ZNF581: variants seen among roughly 807,000 people sequenced by gnomAD.
The protein encoded by ZNF581 is zinc finger protein 581.
In ZNF581, 1 loss-of-function variant was observed where a neutral mutation model predicts 1.2. The observed-to-expected ratio is 0.83, with a 90% CI of 0.30 to 3.95. ZNF581 has a LOEUF of 3.95. Among genes scored for constraint, ZNF581 ranks in the 30% most tolerant of loss-of-function variants. The pLI, the probability that ZNF581 is intolerant of heterozygous loss-of-function variation, is 0.18. For missense variants in ZNF581, 273 were observed against 274.6 expected, an observed-to-expected ratio of 0.99 and a Z score of 0.04; for synonymous variants, 105 against 109.2, an observed-to-expected ratio of 0.96 and a Z score of 0.24.
At chr19:55,640,879 C>T (rs895044503), upstream of ZNF581, 21 of 985,004 alleles carry the variant, frequency 2.1e-5, no homozygotes, top group African/African-American at 2.6e-4. Context: ...CGGGGGCGGG[C>T]GTCTTCAGTG....
At position 55,645,411 on chromosome 19, in the gene ZNF581, C is replaced by T. The variant is rs899626415; in HGVS notation, c.*246C>T. 29 of 401,662 alleles carry T rather than the reference C, an allele frequency of 7.2e-5. No homozygotes were observed. The highest frequency in any genetic ancestry group is 1.8e-5 in the Non-Finnish European group (4 of 216,960). 24.9% of individuals were successfully genotyped at this position (401,662 alleles called of 1,614,324 possible). On this transcript the variant is annotated 3_prime_UTR_variant, in exon 2 of 2. Transcript: ENST00000270451. ...ATGGAGTCCTCTAGCCTAAAGATAT[C>T]AGCTGTTCCATGGCAGAGCCTTGAC...
upstream of ZNF581, chr19:55,643,178 C>T (rs1982639903): frequency 6.6e-6 from 8 of 1,211,974 alleles, no homozygotes; most frequent in Non-Finnish European, 8.4e-6. Flanking sequence ...AAGGGAGGAG[C>T]ATCATTCCTT....
upstream of ZNF581, among the ~76,000 whole-genome samples, chr19:55,639,419 G>A (rs1982307089): frequency 6.6e-6 from 1 of 152,180 alleles, no homozygotes; most frequent in South Asian, 2.1e-4. Context: ...CTGCACTCCA[G>A]CGTGGGCGAC....
In ZNF581 at chr19:55,644,649, G is replaced by C. The variant is rs754881942; in HGVS notation, c.78G>C (p.Arg26=). 3 of 1,611,364 alleles carry C rather than the reference G, an allele frequency of 1.9e-6. No individual in the cohort carries two copies. Among genetic ancestry groups the C allele is most frequent in the East Asian group, 4.5e-5 (2 of 44,736 alleles). ...AGACCATGGAGGGCCCTCCCCGTCG[G>C]ACTTGCCGCTCCCCAGAACCTGGAC... ...SVETMEGPPR[R]TCRSPEPGPS... The change falls in exon 2 of 2, where the codon CGG becomes CGC. Residue 26 remains arginine (R), a synonymous_variant. Transcript: ENST00000270451. The surrounding 1 kb of genome is among the most constrained non-coding windows in gnomAD (Gnocchi z 4.3).
At chr19:55,641,491 CAG>C (rs1332710167), upstream of ZNF581, among the ~76,000 whole-genome samples, 2 of 152,116 alleles carry the variant, frequency 1.3e-5, no homozygotes, top group African/African-American at 4.8e-5. Flanking sequence ...CTGTGTGTAA[CAG>C]GGAGAGGGAT....
chr19:55,641,279 T>C (rs902586566), upstream of ZNF581: 17 of 764,740 alleles, frequency 2.2e-5, no homozygotes, highest in African/African-American at 3.1e-4. Context: ...GGGATGGGGG[T>C]GGGGGTCGGG....
chr19:55,640,315 C>T, upstream of ZNF581: 2 of 985,138 alleles, frequency 2.0e-6, no homozygotes, highest in South Asian at 4.7e-5. Flanking sequence ...CTCAAGTGCC[C>T]CAGGACCTGG....
At chr19:55,643,318 A>C, upstream of ZNF581, 7 of 374,302 alleles carry the variant, frequency 1.9e-5, no homozygotes, top group Middle Eastern at 7.3e-4. Flanking sequence ...GACCTCTCTA[A>C]ACCTTGGTTT....
Position 55,644,820 on chromosome 19 carries a change from G to A in ZNF581, c.249G>A (p.Gln83=). The change falls in exon 2 of 2, where the codon CAG becomes CAA. Residue 83 remains glutamine (Q), a synonymous_variant. Coordinates refer to ENST00000270451, the MANE Select transcript of ZNF581 (RefSeq NM_016535.4). The surrounding 1 kb of genome is among the most constrained non-coding windows in gnomAD (Gnocchi z 4.3). ...REPGASGAPG[Q]KKCYSCPVCS... ...CAGGGGCCAGTGGGGCTCCAGGCCAGAAAAAGTGCTACAGCTGCCCCGTGT... is the reference window on the plus strand; with the variant it reads ...CAGGGGCCAGTGGGGCTCCAGGCCAAAAAAAGTGCTACAGCTGCCCCGTGT... 1 of 1,612,544 alleles carries A rather than the reference G, an allele frequency of 6.2e-7. No individual in the cohort carries two copies. Among genetic ancestry groups the A allele is most frequent in the Non-Finnish European group, 8.5e-7 (1 of 1,178,642 alleles).
upstream of ZNF581, chr19:55,635,058 C>T (rs1982018394): frequency 6.6e-6 from 1 of 152,088 alleles, no homozygotes; most frequent in Non-Finnish European, 1.5e-5. Context: ...GAGACCGGGC[C>T]GGATTGCGGG....
At chr19:55,643,803 T>TG (rs1420765271) in intron 1 of ZNF581, 29 bp downstream of exon 1, 2 of 86,222 alleles carry the variant, frequency 2.3e-5, no homozygotes, top group Non-Finnish European at 5.5e-5. Flanking sequence ...GGAAGGGGGC[T>TG]GGGGGCGGGC....
At chr19:55,643,036 C>T, upstream of ZNF581, 1 of 1,358,500 alleles carries the variant, frequency 7.4e-7, no homozygotes, top group Non-Finnish European at 9.5e-7. Context: ...AAGCTCGAGA[C>T]CCGGCCTGTG....
At position 55,644,655 on chromosome 19, in the gene ZNF581, C is replaced by A; in HGVS notation, c.84C>A (p.Cys28Ter). The A allele has an allele frequency of 6.2e-7, 1 of 1,610,972 alleles. No homozygotes were observed. The highest frequency in any genetic ancestry group is 8.5e-7 in the Non-Finnish European group (1 of 1,178,570). The change falls in exon 2 of 2, where the codon TGC becomes TGA. Residue 28 changes from cysteine (C) to a stop codon, truncating the protein, a stop_gained. Coordinates refer to ENST00000270451, the MANE Select transcript of ZNF581 (RefSeq NM_016535.4). LOFTEE classifies it low-confidence loss of function (END_TRUNC). This position sits in a 1 kb window ranked among gnomAD's most constrained non-coding sequence, Gnocchi z 4.3. ...TGGAGGGCCCTCCCCGTCGGACTTG[C>A]CGCTCCCCAGAACCTGGACCTTCCT... Reference protein sequence around the residue: ...ETMEGPPRRTCRSPEPGPSSS... With the variant: ...ETMEGPPRRT
upstream of ZNF581, chr19:55,643,197 C>T: frequency 1.7e-6 from 2 of 1,165,824 alleles, no homozygotes; most frequent in Non-Finnish European, 2.2e-6. Flanking sequence ...TTCCTTACCC[C>T]CTTTCTAGCT....
upstream of ZNF581, chr19:55,641,010 C>T: frequency 1.0e-6 from 1 of 985,374 alleles, no homozygotes; most frequent in South Asian, 4.7e-5. Context: ...GCGCCTTTTC[C>T]CAGGGACTCC....
At position 55,644,011 on chromosome 19, in the gene ZNF581, CTAGA is replaced by C. The variant is rs1982704491; in HGVS notation, c.-20+238_-20+241del. Among the ~76,000 whole-genome samples the C allele has an allele frequency of 6.6e-6, 1 of 152,168 alleles. No homozygotes were observed. The highest frequency in any genetic ancestry group is 1.5e-5 in the Non-Finnish European group (1 of 68,022). ...GAGCCTGGTGGAGGCCGGGCGAGGA[CTAGA>C]GAGAACCTGAGGTGGGTGGACGGGT... On this transcript the variant is annotated intron_variant, in intron 1 of 1. Transcript: ENST00000270451. The surrounding 1 kb of genome is among the most constrained non-coding windows in gnomAD (Gnocchi z 4.3).
At chr19:55,643,103 A>T, upstream of ZNF581, 1 of 1,318,288 alleles carries the variant, frequency 7.6e-7, no homozygotes, top group South Asian at 2.3e-5. Context: ...ACTCACTCCC[A>T]CACACACCCC....
chr19:55,644,714 C>T lies in ZNF581; in HGVS notation c.143C>T (p.Pro48Leu). The change falls in exon 2 of 2, where the codon CCA becomes CTA. Residue 48 changes from proline to leucine, a missense_variant. Transcript: ENST00000270451. This position sits in a 1 kb window ranked among gnomAD's most constrained non-coding sequence, Gnocchi z 4.3. ...SIGSPQASSP[P>L]RPNHYLLIDT... is the part of the protein sequence containing the mutation. ...GGATCTCCCCAGGCTTCATCTCCTC[C>T]AAGGCCCAACCACTACCTGCTTATT... The T allele has an allele frequency of 8.7e-6, 14 of 1,614,002 alleles. No homozygotes were observed. Among genetic ancestry groups the T allele is most frequent in the Non-Finnish European group, 1.1e-5 (13 of 1,179,954 alleles).
upstream of ZNF581, chr19:55,640,200 C>G: frequency 1.0e-6 from 1 of 985,472 alleles, no homozygotes; most frequent in Non-Finnish European, 1.2e-6. Context: ...GGAGCTGCAG[C>G]TGCCCCGAGT....
Sources: gnomAD v4.1 joint callset for allele counts (sites outside exome capture counted in the v4.1 genomes callset) on GRCh38, gnomAD v4.1.1 for gene constraint, Gnocchi (gnomAD v3.1) non-coding constraint, MANE v1.5 for transcripts, NCBI Gene and HGNC (gene_info 2026-07-23, HGNC 2026-07-21) for gene names.